Variants in FRMD3 observed in about 807,000 individuals in gnomAD.
FRMD3 encodes the protein FERM domain containing 3.
In FRMD3, 33 loss-of-function variants were observed where a neutral mutation model predicts 70.2. The observed-to-expected ratio is 0.47, with a 90% CI of 0.36 to 0.63. The LOEUF is 0.63. Among genes scored for constraint, FRMD3 ranks in the 20% least tolerant of loss-of-function variants. The probability of loss-of-function intolerance (pLI) is 0.00; values close to 1 mark genes in which losing one functional copy is unlikely to be tolerated. For missense variants in FRMD3, 632 were observed against 711.4 expected (o/e 0.89, Z 1.27); for synonymous variants, 279 against 255.9 (o/e 1.09, Z -0.86).
At chr9:83,483,348 C>T (rs1052643468) in intron 1 of FRMD3, among the ~76,000 whole-genome samples, 1 of 152,138 alleles carries the variant, frequency 6.6e-6, no homozygotes, top group Non-Finnish European at 1.5e-5. Context: ...AATTGTGAGT[C>T]AATTCAACCT....
At chr9:83,478,382 C>G (rs1489309272) in intron 1 of FRMD3, among the ~76,000 whole-genome samples, 1 of 152,094 alleles carries the variant, frequency 6.6e-6, no homozygotes, top group Non-Finnish European at 1.5e-5. Flanking sequence ...TTTCAAGAGT[C>G]TTGAGACACA....
chr9:83,357,724 T>A (rs539345966), intron 3 of FRMD3, among the ~76,000 whole-genome samples: 1 of 152,322 alleles, frequency 6.6e-6, no homozygotes, highest in Non-Finnish European at 1.5e-5. Flanking sequence ...TATATCTTCT[T>A]TTGAGAATGG....
chr9:83,336,684 G>A (rs760533796), intron 5 of FRMD3, among the ~76,000 whole-genome samples: 1 of 144,626 alleles, frequency 6.9e-6, no homozygotes, highest in Non-Finnish European at 1.5e-5. Flanking sequence ...CCCCCCAACA[G>A]ACTGAACATT....
At chr9:83,244,038 G>T (rs1424228938), downstream of FRMD3, among the ~76,000 whole-genome samples, 2 of 152,046 alleles carry the variant, frequency 1.3e-5, no homozygotes, top group Non-Finnish European at 1.5e-5. Context: ...TGAGGCAGGA[G>T]AATTGCTTGA....
rs1268109738 is a variant in FRMD3, at chr9:83,378,757, TAA to T, written c.253-5804_253-5803del. 9.7e-3 allele frequency among the ~76,000 whole-genome samples: 1,201 copies of T among 124,336 alleles called. 24 individuals are homozygous for T. Among genetic ancestry groups the T allele is most frequent in the African/African-American group, 0.039 (1,140 of 29,446 alleles). The allele number at this position is 124,336 out of a possible 152,430, so 81.6% of individuals were successfully genotyped here. ...TATACTTTATATTATATATAATATA[TAA>T]TTTATATTATATATAATATATATTA... On this transcript the variant is annotated intron_variant, in intron 2 of 13. Coordinates refer to ENST00000304195, the MANE Select transcript of FRMD3 (RefSeq NM_174938.6).
intron 1 of FRMD3, among the ~76,000 whole-genome samples, chr9:83,481,961 C>CAAA (rs3083249): frequency 7.5e-6 from 1 of 133,052 alleles, no homozygotes; most frequent in Non-Finnish European, 1.7e-5. Context: ...TGTTTCATAA[C>CAAA]AAAAAAAAAA....
At chr9:83,426,762 A>G (rs1354738187) in intron 1 of FRMD3, among the ~76,000 whole-genome samples, 2 of 152,156 alleles carry the variant, frequency 1.3e-5, no homozygotes, top group East Asian at 3.9e-4. Context: ...GTAAACAGAG[A>G]AGCTTTGAAG....
intron 1 of FRMD3, among the ~76,000 whole-genome samples, chr9:83,481,716 A>G (rs1828570526): frequency 6.6e-6 from 1 of 152,168 alleles, no homozygotes. Context: ...CAAATGTAAC[A>G]TGGAAAAGAG....
intron 1 of FRMD3, among the ~76,000 whole-genome samples, chr9:83,416,747 C>CTCTCTCTCTG (rs1826457340): frequency 2.3e-5 from 2 of 87,060 alleles, no homozygotes; most frequent in Non-Finnish European, 4.6e-5. Context: ...TTCTCTCTGT[C>CTCTCTCTCTG]TCTCTCTCTC....
intron 1 of FRMD3, among the ~76,000 whole-genome samples, chr9:83,414,487 G>C (rs7023423): frequency 0.025 from 3,760 of 152,172 alleles, 73 homozygotes; most frequent in Non-Finnish European, 0.039. Flanking sequence ...TGATAAAATG[G>C]ACTTAATTAA....
the FRMD3 span, among the ~76,000 whole-genome samples, chr9:83,551,773 T>C: frequency 1.3e-5 from 2 of 152,176 alleles, no homozygotes; most frequent in Admixed American, 1.3e-4. Flanking sequence ...GAGGTGTTTA[T>C]AGTAGTTTCT....
chr9:83,351,279 AG>A (rs1312960133), intron 3 of FRMD3, among the ~76,000 whole-genome samples: 1 of 151,430 alleles, frequency 6.6e-6, no homozygotes, highest in Admixed American at 6.6e-5. Context: ...ACAAAAAAAA[AG>A]AGCAGCATCT....
intron 1 of FRMD3, among the ~76,000 whole-genome samples, chr9:83,468,551 A>G (rs1418008809): frequency 1.3e-5 from 2 of 152,298 alleles, no homozygotes; most frequent in East Asian, 1.9e-4. Flanking sequence ...TTTATTAACA[A>G]TAAGGAATTA....
At chr9:83,352,703 C>T (rs577752832) in intron 3 of FRMD3, among the ~76,000 whole-genome samples, 2 of 152,302 alleles carry the variant, frequency 1.3e-5, no homozygotes, top group East Asian at 3.9e-4. Flanking sequence ...CCTTCACCAG[C>T]CGGCCCCTCC....
chr9:83,559,974 A>C, the FRMD3 span, among the ~76,000 whole-genome samples: 1 of 152,150 alleles, frequency 6.6e-6, no homozygotes, highest in Non-Finnish European at 1.5e-5. Context: ...TCCCATGCTG[A>C]TGGCCACAAA....
intron 13 of FRMD3, among the ~76,000 whole-genome samples, chr9:83,273,604 A>C (rs1008808919): frequency 7.0e-6 from 1 of 141,960 alleles, no homozygotes; most frequent in Non-Finnish European, 1.5e-5. Context: ...CCGATCAATA[A>C]ATACTAAAAA....
chr9:83,520,374 C>T (rs779869529), intron 1 of FRMD3, among the ~76,000 whole-genome samples: 2 of 152,180 alleles, frequency 1.3e-5, no homozygotes, highest in Non-Finnish European at 1.5e-5. Flanking sequence ...GTAACACATG[C>T]TTACCAAAGG....
chr9:83,539,381 T>C (rs985622193), upstream of FRMD3, among the ~76,000 whole-genome samples: 1 of 152,176 alleles, frequency 6.6e-6, no homozygotes, highest in African/African-American at 2.4e-5. Context: ...GTCAGGGGTA[T>C]GGAGCTTGAA....
intron 1 of FRMD3, among the ~76,000 whole-genome samples, chr9:83,532,633 A>G (rs1252657428): frequency 6.9e-6 from 1 of 145,208 alleles, no homozygotes; most frequent in African/African-American, 2.8e-5. Context: ...ATGTGCATGC[A>G]CACACACACA....
Sources: gnomAD v4.1 joint callset for allele counts (sites outside exome capture counted in the v4.1 genomes callset) on GRCh38, gnomAD v4.1.1 for gene constraint, MANE v1.5 for transcripts, NCBI Gene and HGNC (gene_info 2026-07-23, HGNC 2026-07-21) for gene names.